Variants in COL4A1 observed in about 807,000 individuals in gnomAD.
The protein encoded by COL4A1 is collagen type IV alpha 1 chain, also known as collagen alpha-1(IV) chain.
Under a neutral mutation model 216.6 loss-of-function variants are expected in COL4A1, and 40 were observed. The observed-to-expected ratio is 0.18, with a 90% confidence interval of 0.14 to 0.24. The LOEUF is 0.24. COL4A1 is among the 10% of genes least tolerant of loss of function. The pLI is 1.00. For missense variants in COL4A1, 1,628 were observed against 2,196.8 expected, an observed-to-expected ratio of 0.74 and a Z score of 5.18; for synonymous variants, 839 against 810.7, an observed-to-expected ratio of 1.03 and a Z score of -0.59.
At chr13:110,283,558 A>C (rs1883722595) in intron 1 of COL4A1, among the ~76,000 whole-genome samples, 1 of 152,248 alleles carries the variant, frequency 6.6e-6, no homozygotes, top group South Asian at 2.1e-4. Context: ...CTGTGTATAC[A>C]GACATCTGCA....
Position 110,174,660 on chromosome 13 carries a change from T to C in COL4A1, c.3288A>G (p.Pro1096=), listed in dbSNP as rs2305082. ...SIGIPGMPGS[P]GLKGSPGSVG... ...CACTCCCGGGAGACCCTTTAAGGCC[T>C]GGGGACCCTGGCATTCCTGGGATCC... Residue 1096 remains proline, a synonymous_variant, in exon 38 of 52, where the codon CCA becomes CCG. Coordinates refer to ENST00000375820, the MANE Select transcript of COL4A1 (RefSeq NM_001845.6). The C allele has an allele frequency of 3.6e-4, 575 of 1,614,080 alleles. 6 individuals are homozygous for C. In the East Asian group the frequency reaches 0.01, roughly 29 times the overall value.
chr13:110,288,562 C>G (rs536156561), intron 1 of COL4A1, among the ~76,000 whole-genome samples: 2 of 152,248 alleles, frequency 1.3e-5, no homozygotes, highest in Non-Finnish European at 2.9e-5. Context: ...TTTCTTTGCA[C>G]AGACAAAAAT....
At chr13:110,286,782 CAGA>C (rs1883861823) in intron 1 of COL4A1, among the ~76,000 whole-genome samples, 1 of 152,218 alleles carries the variant, frequency 6.6e-6, no homozygotes, top group East Asian at 1.9e-4. Context: ...GCAAGACCAG[CAGA>C]AGATCCCAAA....
At chr13:110,242,402 T>C (rs1488276614) in intron 2 of COL4A1, among the ~76,000 whole-genome samples, 2 of 152,226 alleles carry the variant, frequency 1.3e-5, no homozygotes, top group East Asian at 1.9e-4. Context: ...CAACAGATTT[T>C]CTACCAAGAG....
chr13:110,157,721 C>T (rs1046612526), intron 49 of COL4A1, among the ~76,000 whole-genome samples: 1 of 152,184 alleles, frequency 6.6e-6, no homozygotes, highest in Non-Finnish European at 1.5e-5. Flanking sequence ...AAATGCTGTG[C>T]CCCATTGCTT....
At chr13:110,208,256 G>A (rs1879609389) in intron 12 of COL4A1, among the ~76,000 whole-genome samples, 2 of 152,214 alleles carry the variant, frequency 1.3e-5, no homozygotes. Flanking sequence ...CACCTGCTGT[G>A]TGGTCTGTGC....
chr13:110,271,795 CT>C (rs761716014), intron 1 of COL4A1, among the ~76,000 whole-genome samples: 2 of 152,150 alleles, frequency 1.3e-5, no homozygotes, highest in African/African-American at 2.4e-5. Context: ...TTTTATTTTC[CT>C]CATTTTCATC....
chr13:110,186,690 C>T lies in COL4A1; in HGVS notation c.1729-137G>A, dbSNP rs576652724. The T allele has an allele frequency of 5.7e-6, 6 of 1,050,098 alleles. No homozygotes were observed. In the South Asian group the frequency reaches 8.0e-5, roughly 14 times the overall value. The allele number at this position is 1,050,098 out of a possible 1,614,324, so 65.0% of individuals were successfully genotyped here. ...ACTATTTATTTACTTCATCTACCCTCCCAGGAGGGCCACCTTGTAGTTAAT... is the reference window on the plus strand; with the variant it reads ...ACTATTTATTTACTTCATCTACCCTTCCAGGAGGGCCACCTTGTAGTTAAT... On this transcript the variant is annotated intron_variant, in intron 25 of 51. Coordinates refer to ENST00000375820, the MANE Select transcript of COL4A1 (RefSeq NM_001845.6).
chr13:110,206,830 G>C (rs148053275), intron 14 of COL4A1, 35 bp downstream of exon 14: 1 of 1,613,360 alleles, frequency 6.2e-7, no homozygotes, highest in African/African-American at 1.3e-5. Flanking sequence ...TATGGTCTTT[G>C]ACCTAAAAAT....
intron 1 of COL4A1, among the ~76,000 whole-genome samples, chr13:110,289,871 G>A (rs1307519158): frequency 6.6e-6 from 1 of 152,144 alleles, no homozygotes; most frequent in East Asian, 1.9e-4. Flanking sequence ...AACATGTTCT[G>A]CCCCCAGTGG....
intron 2 of COL4A1, among the ~76,000 whole-genome samples, chr13:110,238,102 A>T (rs531337559): frequency 6.6e-6 from 1 of 152,244 alleles, no homozygotes; most frequent in Non-Finnish European, 1.5e-5. Flanking sequence ...ATGCAGAGCC[A>T]ATGTGGACAG....
intron 21 of COL4A1, among the ~76,000 whole-genome samples, chr13:110,195,445 A>G (rs1243683328): frequency 1.3e-5 from 2 of 152,140 alleles, no homozygotes; most frequent in Admixed American, 6.5e-5. Context: ...TTATTTTACA[A>G]ATGAAGAAAC....
chr13:110,178,017 C>T (rs528904999), intron 32 of COL4A1, 47 bp downstream of exon 32: 6 of 1,613,962 alleles, frequency 3.7e-6, no homozygotes, highest in East Asian at 2.2e-5. Context: ...TAAGGTGAGG[C>T]CCATGTCTTC....
chr13:110,224,533 G>A (rs544149861), intron 2 of COL4A1, among the ~76,000 whole-genome samples: 9 of 152,152 alleles, frequency 5.9e-5, no homozygotes, highest in Non-Finnish European at 1.3e-4. Context: ...ATGTTGGTCA[G>A]GCTGGTCTTG....
In COL4A1 at chr13:110,207,460, T is replaced by C. The variant is rs747521298; in HGVS notation, c.723A>G (p.Gly241=). The part of the protein sequence containing the change: ...KGDQGVSGPP[G]VPGQAQVQEK... ...CTTGAACTTGAGCTTGTCCTGGTAC[T>C]CCTGGAGGCCCACTGACCCCTTGGT... is the stretch of plus-strand genomic sequence containing the variant. The change falls in exon 13 of 52, where the codon GGA becomes GGG. Residue 241 remains glycine, a synonymous_variant. Coordinates refer to ENST00000375820, the MANE Select transcript of COL4A1 (RefSeq NM_001845.6). The surrounding 1 kb of genome is among the most constrained non-coding windows in gnomAD (Gnocchi z 4.4). 4.3e-6 allele frequency: 7 copies of C among 1,614,028 alleles called. No homozygotes were observed. The highest frequency in any genetic ancestry group is 5.9e-6 in the Non-Finnish European group (7 of 1,180,032).
chr13:110,167,089 A>C, intron 44 of COL4A1, 69 bp downstream of exon 44: 1 of 1,297,446 alleles, frequency 7.7e-7, no homozygotes, highest in Non-Finnish European at 1.1e-6. Flanking sequence ...AAGGTGCCCG[A>C]GGTTAGCAAG....
Position 110,253,991 on chromosome 13 carries a change from A to C in COL4A1, c.85-11257T>G, listed in dbSNP as rs555658599. ...TATTCCTAACCCCAAAATCCAAAAT[A>C]CAAAATGCTCCAAAATATAAAACTT... On this transcript the variant is annotated intron_variant, in intron 1 of 51. Coordinates refer to ENST00000375820, the MANE Select transcript of COL4A1 (RefSeq NM_001845.6). Among the ~76,000 whole-genome samples the C allele has an allele frequency of 3.0e-4, 45 of 152,206 alleles. No individual in the cohort carries two copies. The East Asian group carries it at 7.3e-3, about 25-fold the overall frequency.
At chr13:110,264,076 C>T (rs1028256183) in intron 1 of COL4A1, among the ~76,000 whole-genome samples, 1 of 152,198 alleles carries the variant, frequency 6.6e-6, no homozygotes, top group African/African-American at 2.4e-5. Context: ...CTCTGAGACA[C>T]TGCTTTCCAA....
chr13:110,219,673 T>TATATATGTATATAC (rs1566384797), intron 2 of COL4A1, among the ~76,000 whole-genome samples: 2 of 77,496 alleles, frequency 2.6e-5, no homozygotes, highest in African/African-American at 8.9e-5. Context: ...TATATATATA[T>TATATATGTATATAC]ATATGTGTAT....
Sources: gnomAD v4.1 joint callset for allele counts (sites outside exome capture counted in the v4.1 genomes callset) on GRCh38, gnomAD v4.1.1 for gene constraint, Gnocchi (gnomAD v3.1) non-coding constraint, MANE v1.5 for transcripts, NCBI Gene and HGNC (gene_info 2026-07-23, HGNC 2026-07-21) for gene names.